SYT7: variants seen among roughly 807,000 people sequenced by gnomAD.
SYT7 encodes the protein synaptotagmin-7.
In SYT7, 29 loss-of-function variants were observed where a neutral mutation model predicts 75.1. The observed-to-expected ratio is 0.39, with a 90% CI of 0.29 to 0.53. The LOEUF (loss-of-function observed/expected upper bound fraction) is 0.53. Among genes scored for constraint, SYT7 ranks in the 20% least tolerant of loss-of-function variants. The pLI is 0.77. For missense variants in SYT7, 693 were observed against 953.2 expected (o/e 0.73, Z 3.59); for synonymous variants, 376 against 401.7 (o/e 0.94, Z 0.76).
In SYT7 at chr11:61,523,831, T is replaced by A; in HGVS notation, c.1752A>T (p.Thr584=). 1 of 1,613,928 alleles carries A rather than the reference T, an allele frequency of 6.2e-7. No individual in the cohort carries two copies. Among genetic ancestry groups the A allele is most frequent in the Non-Finnish European group, 8.5e-7 (1 of 1,179,882 alleles). ...TCTGCTGGAGAAGCCCCGTACCTGA[T>A]GTGCCCCCGATGTCCATGGCTTTGA... ...RNLKAMDIGG[T]SDPYVKVWLM... The change falls in exon 11 of 13, where the codon ACA becomes ACT. Residue 584 remains threonine (T), a synonymous_variant. Transcript: ENST00000539008. The surrounding 1 kb of genome is among the most constrained non-coding windows in gnomAD (Gnocchi z 5.0).
intron 9 of SYT7, 85 bp downstream of exon 9, chr11:61,527,830 T>A: frequency 1.3e-6 from 2 of 1,514,390 alleles, no homozygotes; most frequent in Non-Finnish European, 9.0e-7. Flanking sequence ...TATGTGTCTG[T>A]GCATGTGGCC....
At chr11:61,527,804 C>G in intron 9 of SYT7, 111 bp downstream of exon 9, 1 of 1,307,086 alleles carries the variant, frequency 7.7e-7, no homozygotes. Context: ...TGTGGGCCTG[C>G]AGGTGTGTGT....
At chr11:61,572,880 C>T (rs1429622515) in intron 1 of SYT7, among the ~76,000 whole-genome samples, 1 of 152,222 alleles carries the variant, frequency 6.6e-6, no homozygotes. Context: ...TCCCCACCTC[C>T]CTGCTTCCTG....
Position 61,524,607 on chromosome 11 carries a change from TG to T in SYT7, c.1472-76del, listed in dbSNP as rs1350065871. 2 of 1,460,260 alleles carry T rather than the reference TG, an allele frequency of 1.4e-6. No homozygotes were observed. Among genetic ancestry groups the T allele is most frequent in the African/African-American group, 2.9e-5 (2 of 70,112 alleles). 90.5% of individuals were successfully genotyped at this position (1,460,260 alleles called of 1,614,324 possible). A position where few individuals can be genotyped will look rare whatever the true frequency, so the allele number is the denominator to read the frequency against. On this transcript the variant is annotated intron_variant, in intron 9 of 12. Coordinates refer to ENST00000539008, the MANE Select transcript of SYT7 (RefSeq NM_001365809.2). The surrounding 1 kb of genome is among the most constrained non-coding windows in gnomAD (Gnocchi z 4.1). ...GGGGCCCGGGAGGCAAGGAAGGCCC[TG>T]GGAAGAGGAGGCAGGCCCTGTGCCC...
chr11:61,584,409 G>GA (rs1298457338), upstream of SYT7, among the ~76,000 whole-genome samples: 420 of 149,364 alleles, frequency 2.8e-3, 2 homozygotes, highest in African/African-American at 9.6e-3. Context: ...AAAAAAAAAG[G>GA]AAAAAAAAAG....
In SYT7 at chr11:61,547,051, G is replaced by A. The variant is rs1485008768; in HGVS notation, c.347+126C>T. The A allele has an allele frequency of 7.2e-6, 9 of 1,246,488 alleles. No homozygotes were observed. The South Asian group carries it at 1.2e-4, about 17-fold the overall frequency. The allele number at this position is 1,246,488 out of a possible 1,614,324, so 77.2% of individuals were successfully genotyped here. On this transcript the variant is annotated intron_variant, in intron 4 of 12. Coordinates refer to ENST00000539008, the MANE Select transcript of SYT7 (RefSeq NM_001365809.2). ...GCCCATGGGGTGGATGGGTGGGGAA[G>A]TTGGGGGACAGGAGCGAGAGGAGAG...
At chr11:61,583,799 C>T (rs1041133865), upstream of SYT7, among the ~76,000 whole-genome samples, 8 of 152,212 alleles carry the variant, frequency 5.3e-5, no homozygotes, top group Admixed American at 1.3e-4. Context: ...GTGCAAACTG[C>T]GGCTCTGGGG....
intron 6 of SYT7, among the ~76,000 whole-genome samples, chr11:61,538,650 C>T (rs577055300): frequency 2.6e-5 from 4 of 151,982 alleles, no homozygotes; most frequent in East Asian, 3.9e-4. Flanking sequence ...CAAGGGAACA[C>T]GGGGGATAGG....
At chr11:61,577,203 G>A (rs1346619601) in intron 1 of SYT7, among the ~76,000 whole-genome samples, 1 of 152,204 alleles carries the variant, frequency 6.6e-6, no homozygotes, top group East Asian at 1.9e-4. Flanking sequence ...GGCTACCCTG[G>A]CCCATGCCCC....
rs778344571 is a variant in SYT7, at chr11:61,533,118, A to C, written c.1071T>G (p.Pro357=). The C allele has an allele frequency of 2.5e-6, 4 of 1,595,484 alleles. No homozygotes were observed. In the East Asian group the frequency reaches 9.0e-5, roughly 36 times the overall value. The change falls in exon 8 of 13, where the codon CCT becomes CCG. Residue 357 remains proline, a synonymous_variant. Transcript: ENST00000539008. ...CTGTGTTCACCGCCTTCCCTCCTGCAGGCAACCTGAGGGCAGGGGAGTCCA... is the reference window on the plus strand; with the variant it reads ...CTGTGTTCACCGCCTTCCCTCCTGCCGGCAACCTGAGGGCAGGGGAGTCCA... ...NQNAQGDKRL[P]AGGKAVNTAP...
At position 61,523,169 on chromosome 11, in the gene SYT7, G is replaced by A; in HGVS notation, c.1862C>T (p.Ala621Val). 1 of 1,614,222 alleles carries A rather than the reference G, an allele frequency of 6.2e-7. No individual in the cohort carries two copies. ...CAGCTTCTCCGTGGGGATATCGAAG[G>A]CGAAGGACTCATTGAAGATGGGGTT... ...NLNPIFNESF[A>V]FDIPTEKLRE... Residue 621 changes from alanine to valine, a missense_variant, in exon 12 of 13, where the codon GCC becomes GTC. Ala to Val is a moderately conservative substitution (Grantham distance 64). Coordinates refer to ENST00000539008, the MANE Select transcript of SYT7 (RefSeq NM_001365809.2). This position sits in a 1 kb window ranked among gnomAD's most constrained non-coding sequence, Gnocchi z 5.0.
rs962242555 is a variant in SYT7 at position 61,580,480 on chromosome 11, A to T, written c.31+310T>A. Among the ~76,000 whole-genome samples the T allele has an allele frequency of 2.6e-5, 4 of 152,054 alleles. No individual in the cohort carries two copies. The highest frequency in any genetic ancestry group is 5.9e-5 in the Non-Finnish European group (4 of 68,004). On this transcript the variant is annotated intron_variant, in intron 1 of 12. Transcript: ENST00000539008. The surrounding 1 kb of genome is among the most constrained non-coding windows in gnomAD (Gnocchi z 6.1). ...TCTGAGGGCACTGCCCGGCTCCCACAGGGGCAGCGGCTCCTCGCTCCGCCA... is the reference window on the plus strand; with the variant it reads ...TCTGAGGGCACTGCCCGGCTCCCACTGGGGCAGCGGCTCCTCGCTCCGCCA...
At chr11:61,584,506 C>T (rs752402807), upstream of SYT7, among the ~76,000 whole-genome samples, 2 of 152,102 alleles carry the variant, frequency 1.3e-5, no homozygotes, top group African/African-American at 4.8e-5. Context: ...TTAACAGAGA[C>T]GACACATACT....
At chr11:61,556,530 T>A (rs2063506089) in intron 1 of SYT7, among the ~76,000 whole-genome samples, 1 of 152,164 alleles carries the variant, frequency 6.6e-6, no homozygotes, top group African/African-American at 2.4e-5. Context: ...AGGCCAAATG[T>A]GCCCCTCAGT....
chr11:61,530,890 G>A, intron 8 of SYT7: 1 of 985,428 alleles, frequency 1.0e-6, no homozygotes, highest in Non-Finnish European at 1.2e-6. Context: ...CCCCATCACA[G>A]TCAGGGAAGG....
Position 61,542,200 on chromosome 11 carries a change from G to C in SYT7, c.941+11C>G. On this transcript the variant is annotated intron_variant, in intron 6 of 12. Transcript: ENST00000539008. This position sits in a 1 kb window ranked among gnomAD's most constrained non-coding sequence, Gnocchi z 7.8. ...GAGGTGGGGGCCGGCCCGCTCAAGG[G>C]GAGGACTTACAGGAAGGATTTCATG... The C allele has an allele frequency of 6.5e-7, 1 of 1,532,534 alleles. No individual in the cohort carries two copies. Among genetic ancestry groups the C allele is most frequent in the South Asian group, 1.2e-5 (1 of 83,826 alleles). 94.9% of individuals were successfully genotyped at this position (1,532,534 alleles called of 1,614,324 possible). A position where few individuals can be genotyped will look rare whatever the true frequency, so the allele number is the denominator to read the frequency against.
intron 3 of SYT7, among the ~76,000 whole-genome samples, chr11:61,547,813 A>T (rs757757288): frequency 2.6e-5 from 4 of 152,276 alleles, no homozygotes; most frequent in Middle Eastern, 3.4e-3. Flanking sequence ...CCTGCCTGTC[A>T]AAGGAGAAGA....
In SYT7 at chr11:61,514,481, G is replaced by A. The variant is rs2062108960; in HGVS notation, c.*4146C>T. 1.3e-5 allele frequency among the ~76,000 whole-genome samples: 2 copies of A among 152,232 alleles called. No individual in the cohort carries two copies. Among genetic ancestry groups the A allele is most frequent in the South Asian group, 2.1e-4 (1 of 4,830 alleles). On this transcript the variant is annotated 3_prime_UTR_variant, in exon 13 of 13. Transcript: ENST00000539008. ...CTCCTGGTGGGGGCAGGGGCCAGCA[G>A]GTGGACACATGACAATGGGGATGTG...
Position 61,517,160 on chromosome 11 carries a change from A to C in SYT7, c.*1467T>G. On this transcript the variant is annotated 3_prime_UTR_variant, in exon 13 of 13. Transcript: ENST00000539008. ...CAGGCTCGTGGACCCCCAGGATTGG[A>C]GGCTTTGTCACCAGCTGGGTCTTGT... 1 of 398,004 alleles carries C rather than the reference A, an allele frequency of 2.5e-6. No individual in the cohort carries two copies. Among genetic ancestry groups the C allele is most frequent in the Non-Finnish European group, 4.4e-6 (1 of 225,938 alleles). The allele number at this position is 398,004 out of a possible 1,614,324, so 24.7% of individuals were successfully genotyped here.
Sources: gnomAD v4.1 joint callset for allele counts (sites outside exome capture counted in the v4.1 genomes callset) on GRCh38, gnomAD v4.1.1 for gene constraint, Gnocchi (gnomAD v3.1) non-coding constraint, MANE v1.5 for transcripts, NCBI Gene and HGNC (gene_info 2026-07-23, HGNC 2026-07-21) for gene names.